CCDC39: variants seen among roughly 807,000 people sequenced by gnomAD.
The protein encoded by CCDC39 is coiled-coil domain-containing protein 39.
In CCDC39, 113 loss-of-function variants were observed where a neutral mutation model predicts 121.0. That is an observed-to-expected ratio of 0.93 (90% CI 0.80 to 1.09). The LOEUF is 1.09. CCDC39 is among the 50% of genes least tolerant of loss of function. The pLI is 0.00. For synonymous variants in CCDC39, 349 were observed against 352.2 expected (o/e 0.99, Z 0.10); for missense variants, 1,063 against 1,074.7 (o/e 0.99, Z 0.15).
intron 1 of CCDC39, among the ~76,000 whole-genome samples, chr3:180,677,168 T>A (rs868208658): frequency 0.017 from 593 of 35,118 alleles, 10 homozygotes; most frequent in African/African-American, 0.046. Flanking sequence ...AATAATAATT[T>A]TATATATATA....
Position 180,614,347 on chromosome 3 carries a change from T to C in CCDC39, c.*574A>G, listed in dbSNP as rs1332492196. ...TTTATGCTGCATTTTAAAATTGATA[T>C]ACAGTGTTTCTCTTACCGGTTTTTT... On this transcript the variant is annotated 3_prime_UTR_variant, in exon 20 of 20. Transcript: ENST00000476379. 1.6e-5 allele frequency: 2 copies of C among 124,948 alleles called. No homozygotes were observed. Among genetic ancestry groups the C allele is most frequent in the East Asian group, 2.8e-4 (1 of 3,600 alleles). 7.7% of individuals were successfully genotyped at this position (124,948 alleles called of 1,614,324 possible).
At chr3:180,630,957 C>T (rs2108412721) in intron 14 of CCDC39, among the ~76,000 whole-genome samples, 1 of 152,166 alleles carries the variant, frequency 6.6e-6, no homozygotes, top group South Asian at 2.1e-4. Context: ...AAGGTCCAGC[C>T]AGGGTGTGGC....
intron 14 of CCDC39, among the ~76,000 whole-genome samples, chr3:180,624,846 A>T (rs1022211834): frequency 6.6e-6 from 1 of 151,918 alleles, no homozygotes; most frequent in African/African-American, 2.4e-5. Context: ...ATTCTGTCCC[A>T]TTCTTTTCTG....
chr3:180,629,000 A>G (rs1717631697), intron 14 of CCDC39, among the ~76,000 whole-genome samples: 1 of 152,226 alleles, frequency 6.6e-6, no homozygotes, highest in Admixed American at 6.5e-5. Context: ...ACTACGTTGG[A>G]AAACAGACTT....
At chr3:180,628,968 A>G (rs1281546147) in intron 14 of CCDC39, among the ~76,000 whole-genome samples, 2 of 152,364 alleles carry the variant, frequency 1.3e-5, no homozygotes, top group African/African-American at 2.4e-5. Context: ...TCCTAAATCT[A>G]CTACATCAAC....
At chr3:180,629,551 T>C (rs879926902) in intron 14 of CCDC39, among the ~76,000 whole-genome samples, 1 of 152,230 alleles carries the variant, frequency 6.6e-6, no homozygotes, top group Non-Finnish European at 1.5e-5. Context: ...CTGGCATCAT[T>C]GCACCCATGG....
At chr3:180,668,985 A>T (rs1711960035) in intron 1 of CCDC39, among the ~76,000 whole-genome samples, 1 of 152,210 alleles carries the variant, frequency 6.6e-6, no homozygotes, top group African/African-American at 2.4e-5. Flanking sequence ...ATTTCTTCTC[A>T]TACTTATATA....
At chr3:180,638,171 T>C (rs1344694866) in intron 13 of CCDC39, among the ~76,000 whole-genome samples, 2 of 152,052 alleles carry the variant, frequency 1.3e-5, no homozygotes, top group Non-Finnish European at 2.9e-5. Flanking sequence ...AAGAAAATTA[T>C]AAAACACCAA....
chr3:180,647,219 G>A lies in CCDC39; in HGVS notation c.1387C>T (p.Arg463Trp), dbSNP rs368870111. Residue 463 changes from arginine to tryptophan, a missense_variant, in exon 11 of 20, where the codon CGG (arginine) becomes TGG (tryptophan). Coordinates refer to ENST00000476379, the MANE Select transcript of CCDC39 (RefSeq NM_181426.2). The stretch of plus-strand genomic sequence containing the variant: ...TCTCCCTTTAACCGTGACATTCTCC[G>A]TTCCACTTGTTGAATGTGAAAATCC... The part of the protein sequence containing the change: ...SQDFHIQQVE[R>W]RMSRLKGEIN... 164 of 1,600,436 alleles carry A rather than the reference G, an allele frequency of 1.0e-4. No individual in the cohort carries two copies. Among genetic ancestry groups the A allele is most frequent in the Middle Eastern group, 1.7e-4 (1 of 6,050 alleles).
intron 11 of CCDC39, among the ~76,000 whole-genome samples, chr3:180,644,926 A>G (rs183300792): frequency 6.6e-6 from 1 of 152,118 alleles, no homozygotes; most frequent in East Asian, 1.9e-4. Flanking sequence ...AGTTCATCAC[A>G]TGGTTTACCA....
At chr3:180,648,462 C>T (rs1434440120) in intron 9 of CCDC39, 103 bp from the exon 10 acceptor site, 1 of 769,022 alleles carries the variant, frequency 1.3e-6, no homozygotes, top group Non-Finnish European at 2.0e-6. Flanking sequence ...GAACCCTCCA[C>T]TATTTTAGCC....
At chr3:180,658,750 C>A (rs1560091804) in intron 6 of CCDC39, among the ~76,000 whole-genome samples, 1 of 152,016 alleles carries the variant, frequency 6.6e-6, no homozygotes, top group Non-Finnish European at 1.5e-5. Flanking sequence ...ACCCAGATAC[C>A]AGAATTTAAA....
At position 180,676,722 on chromosome 3, in the gene CCDC39, C is replaced by T. The variant is rs373600364; in HGVS notation, c.90+2569G>A. Among the ~76,000 whole-genome samples, 183 of 152,242 alleles carry T rather than the reference C, an allele frequency of 1.2e-3. 4 individuals are homozygous for T. The South Asian group carries it at 0.035, about 29-fold the overall frequency. On this transcript the variant is annotated intron_variant, in intron 1 of 19. Transcript: ENST00000476379. The stretch of plus-strand genomic sequence containing the variant: ...TTTATTGCAGCACTATTCACAACAG[C>T]AAAGACTTGGAACCAACCCAAATGT...
At position 180,663,402 on chromosome 3, in the gene CCDC39, G is replaced by T. The variant is rs559186810; in HGVS notation, c.210+465C>A. 2.6e-5 allele frequency among the ~76,000 whole-genome samples: 4 copies of T among 152,140 alleles called. No homozygotes were observed. In the South Asian group the frequency reaches 8.3e-4, roughly 32 times the overall value. On this transcript the variant is annotated intron_variant, in intron 2 of 19. Transcript: ENST00000476379. ...CTCCTTTCATATGGATTAATTTTTT[G>T]GTTAAAATTGGAGCAGTCGCAGCAC...
In CCDC39 at chr3:180,671,513, C is replaced by G. The variant is rs1258283521; in HGVS notation, c.91-7527G>C. 2.0e-5 allele frequency among the ~76,000 whole-genome samples: 3 copies of G among 152,172 alleles called. No individual in the cohort carries two copies. In the East Asian group the frequency reaches 5.8e-4, roughly 29 times the overall value. On this transcript the variant is annotated intron_variant, in intron 1 of 19. Coordinates refer to ENST00000476379, the MANE Select transcript of CCDC39 (RefSeq NM_181426.2). ...ATTATTTCCTGTGTGGAGCCAAGAA[C>G]CCTCCAGGGCTAAGCCCCAATTCTG... is the stretch of plus-strand genomic sequence containing the variant.
chr3:180,670,146 C>A (rs999825287), intron 1 of CCDC39, among the ~76,000 whole-genome samples: 1 of 152,044 alleles, frequency 6.6e-6, no homozygotes, highest in Non-Finnish European at 1.5e-5. Flanking sequence ...TCTCTAATTA[C>A]AGACTTTCAA....
rs1174722802 is a variant in CCDC39, at chr3:180,637,749, T to C, written c.1874+4244A>G. 2.0e-5 allele frequency among the ~76,000 whole-genome samples: 3 copies of C among 152,080 alleles called. No individual in the cohort carries two copies. In the South Asian group the frequency reaches 6.2e-4, roughly 32 times the overall value. On this transcript the variant is annotated intron_variant, in intron 13 of 19. Transcript: ENST00000476379. ...TACACCATGGAATACAATGCAGCCATAAAAAAGAATAAGATCTTGTGTTTC... is the reference window on the plus strand; with the variant it reads ...TACACCATGGAATACAATGCAGCCACAAAAAAGAATAAGATCTTGTGTTTC...
At chr3:180,631,035 A>C (rs193237415) in intron 14 of CCDC39, among the ~76,000 whole-genome samples, 1 of 152,222 alleles carries the variant, frequency 6.6e-6, no homozygotes, top group South Asian at 2.1e-4. Context: ...AGGTTGTCAC[A>C]TGCATACCAA....
chr3:180,654,844 A>T lies in CCDC39; in HGVS notation c.848T>A (p.Ile283Asn), dbSNP rs1560090752. The T allele has an allele frequency of 6.2e-6, 10 of 1,609,832 alleles. No homozygotes were observed. Among genetic ancestry groups the T allele is most frequent in the Non-Finnish European group, 8.5e-6 (10 of 1,178,224 alleles). Residue 283 changes from isoleucine (I) to asparagine (N), a missense_variant, in exon 7 of 20, where the codon ATT becomes AAT. Coordinates refer to ENST00000476379, the MANE Select transcript of CCDC39 (RefSeq NM_181426.2). ...TAAAAGTTTACGATCAGCCACAGAA[A>T]TTCTTTTCTCAAACTCTGTGTTATT... The part of the protein sequence containing the change: ...IGNNTEFEKR[I>N]SVADRKLLKC...
Sources: gnomAD v4.1 joint callset for allele counts (sites outside exome capture counted in the v4.1 genomes callset) on GRCh38, gnomAD v4.1.1 for gene constraint, MANE v1.5 for transcripts, NCBI Gene and HGNC (gene_info 2026-07-23, HGNC 2026-07-21) for gene names.